BMPR1B: variants seen among roughly 807,000 people sequenced by gnomAD.
BMPR1B encodes bone morphogenetic protein receptor type-1B.
Under a neutral mutation model 59.1 loss-of-function variants are expected in BMPR1B, and 12 were observed. That is an observed-to-expected ratio of 0.20 (90% confidence interval 0.13 to 0.33). The LOEUF (loss-of-function observed/expected upper bound fraction) is 0.33. Among genes scored for constraint, BMPR1B ranks in the 10% least tolerant of loss-of-function variants. BMPR1B has a pLI of 1.00. For missense variants in BMPR1B, 550 were observed against 610.9 expected (o/e 0.90, Z 1.05); for synonymous variants, 237 against 207.3 (o/e 1.14, Z -1.23).
chr4:95,010,642 TA>T (rs1468921516), intron 3 of BMPR1B, among the ~76,000 whole-genome samples: 8 of 152,234 alleles, frequency 5.3e-5, no homozygotes, highest in Non-Finnish European at 8.8e-5. Flanking sequence ...ACTAGCTCTT[TA>T]AAACAGGGTA....
rs1318523347 is a variant in BMPR1B, at chr4:95,156,792, T to G, written c.*2119T>G. On this transcript the variant is annotated 3_prime_UTR_variant, in exon 13 of 13. Transcript: ENST00000515059. ...GTTCCTTTCTCTTGTGTCAGTTATA[T>G]TCTTAGGGATAGCCTAGAAGGAATA... 2.0e-5 allele frequency: 3 copies of G among 152,178 alleles called. No individual in the cohort carries two copies. Among genetic ancestry groups the G allele is most frequent in the South Asian group, 2.1e-4 (1 of 4,830 alleles). 9.4% of individuals were successfully genotyped at this position (152,178 alleles called of 1,614,324 possible).
In BMPR1B at chr4:94,899,626, A is replaced by T. The variant is rs148793393; in HGVS notation, c.-113+23726A>T. ...TATATGACCTCCTGTTAAATGTGGTATATTTCTATTTTTTGAGATGCAGCA... is the reference window on the plus strand; with the variant it reads ...TATATGACCTCCTGTTAAATGTGGTTTATTTCTATTTTTTGAGATGCAGCA... On this transcript the variant is annotated intron_variant, in intron 2 of 12. Transcript: ENST00000515059. Among the ~76,000 whole-genome samples the T allele has an allele frequency of 5.3e-3, 800 of 151,956 alleles. 10 individuals are homozygous for T. The highest frequency in any genetic ancestry group is 0.019 in the African/African-American group (768 of 41,492).
intron 2 of BMPR1B, among the ~76,000 whole-genome samples, chr4:94,970,301 CTTCTT>C (rs1560573160): frequency 8.7e-4 from 53 of 60,622 alleles, no homozygotes; most frequent in Admixed American, 1.6e-3. Flanking sequence ...CTTCTCTTCT[CTTCTT>C]TCTCTCTCTC....
At chr4:94,769,701 G>A (rs1722099829) in intron 1 of BMPR1B, among the ~76,000 whole-genome samples, 3 of 152,106 alleles carry the variant, frequency 2.0e-5, no homozygotes, top group Admixed American at 2.0e-4. Context: ...ATGAGAAGTT[G>A]GTGGGAACAT....
chr4:94,840,301 G>A (rs1025577243), intron 1 of BMPR1B, among the ~76,000 whole-genome samples: 1 of 148,036 alleles, frequency 6.8e-6, no homozygotes, highest in Non-Finnish European at 1.5e-5. Context: ...GAATCTGAAC[G>A]TTGGCCTGCC....
At chr4:95,056,103 A>G (rs1726909530) in intron 3 of BMPR1B, among the ~76,000 whole-genome samples, 1 of 152,224 alleles carries the variant, frequency 6.6e-6, no homozygotes, top group Non-Finnish European at 1.5e-5. Flanking sequence ...ACAACTAATT[A>G]TAGAACAATT....
At chr4:95,132,708 CCTT>C (rs1484937830) in intron 10 of BMPR1B, among the ~76,000 whole-genome samples, 4 of 151,868 alleles carry the variant, frequency 2.6e-5, no homozygotes, top group African/African-American at 7.3e-5. Context: ...GCCTCTCTCT[CCTT>C]CTCTCACCCT....
intron 2 of BMPR1B, among the ~76,000 whole-genome samples, chr4:94,950,267 G>T (rs1488624128): frequency 1.3e-5 from 2 of 151,942 alleles, no homozygotes; most frequent in Admixed American, 1.3e-4. Flanking sequence ...AGTTTCTTTT[G>T]CTGTGCAGAA....
At chr4:94,820,664 A>G (rs1183896931) in intron 1 of BMPR1B, among the ~76,000 whole-genome samples, 1 of 152,254 alleles carries the variant, frequency 6.6e-6, no homozygotes, top group Non-Finnish European at 1.5e-5. Flanking sequence ...AGTTAGTTGT[A>G]CGTAGACTCA....
At chr4:94,974,454 C>G (rs1420339972) in intron 2 of BMPR1B, among the ~76,000 whole-genome samples, 2 of 152,104 alleles carry the variant, frequency 1.3e-5, no homozygotes, top group Non-Finnish European at 2.9e-5. Context: ...TCATGTATCC[C>G]TCATTGCCTT....
chr4:94,903,930 C>T (rs1332793435), intron 2 of BMPR1B, among the ~76,000 whole-genome samples: 1 of 151,990 alleles, frequency 6.6e-6, no homozygotes, highest in Non-Finnish European at 1.5e-5. Flanking sequence ...GTTCTTTAAG[C>T]CATCCAATGT....
At chr4:94,841,002 G>A (rs1725041250) in intron 1 of BMPR1B, among the ~76,000 whole-genome samples, 1 of 147,064 alleles carries the variant, frequency 6.8e-6, no homozygotes, top group African/African-American at 2.5e-5. Context: ...TCAGCTGCAG[G>A]TCTGTTGGAG....
At chr4:94,927,957 C>A (rs1302006786) in intron 2 of BMPR1B, among the ~76,000 whole-genome samples, 1 of 151,988 alleles carries the variant, frequency 6.6e-6, no homozygotes, top group East Asian at 1.9e-4. Context: ...GATGATAACA[C>A]CAAAGTTTTG....
At chr4:94,896,038 A>T (rs1384163707) in intron 2 of BMPR1B, among the ~76,000 whole-genome samples, 1 of 152,042 alleles carries the variant, frequency 6.6e-6, no homozygotes, top group East Asian at 1.9e-4. Flanking sequence ...TTTAGCAAGG[A>T]TAGCAGTAAA....
intron 1 of BMPR1B, among the ~76,000 whole-genome samples, chr4:94,797,676 G>A (rs1173878477): frequency 6.6e-6 from 1 of 152,192 alleles, no homozygotes; most frequent in East Asian, 1.9e-4. Context: ...GGTGGAATTT[G>A]CGTGTGTGTT....
chr4:94,850,096 A>G (rs1202812682), intron 1 of BMPR1B, among the ~76,000 whole-genome samples: 1 of 152,020 alleles, frequency 6.6e-6, no homozygotes, highest in Non-Finnish European at 1.5e-5. Context: ...TCTTGTGTGC[A>G]GTGGGCTTTG....
intron 3 of BMPR1B, among the ~76,000 whole-genome samples, chr4:95,000,441 G>A (rs979525719): frequency 6.6e-6 from 1 of 151,978 alleles, no homozygotes; most frequent in Non-Finnish European, 1.5e-5. Context: ...AGGAGGCGGA[G>A]TTTGCAGTGA....
At chr4:94,830,849 A>T (rs1469861486) in intron 1 of BMPR1B, among the ~76,000 whole-genome samples, 1 of 152,226 alleles carries the variant, frequency 6.6e-6, no homozygotes, top group Non-Finnish European at 1.5e-5. Flanking sequence ...ATGCTGGTGT[A>T]AACAAACCTG....
chr4:95,086,616 T>C (rs1303394624), intron 3 of BMPR1B, among the ~76,000 whole-genome samples: 1 of 152,196 alleles, frequency 6.6e-6, no homozygotes, highest in Non-Finnish European at 1.5e-5. Flanking sequence ...GAAGTGGCAA[T>C]GAGTTTGATG....
Sources: gnomAD v4.1 joint callset for allele counts (sites outside exome capture counted in the v4.1 genomes callset) on GRCh38, gnomAD v4.1.1 for gene constraint, MANE v1.5 for transcripts, NCBI Gene and HGNC (gene_info 2026-07-23, HGNC 2026-07-21) for gene names.